JAK1: variants seen among roughly 807,000 people sequenced by gnomAD.
JAK1 encodes Janus kinase 1.
Under a neutral mutation model 136.6 loss-of-function variants are expected in JAK1, and 16 were observed. The observed-to-expected ratio is 0.12, with a 90% confidence interval of 0.08 to 0.18. JAK1 has a LOEUF of 0.18. Ranked by LOEUF, JAK1 falls within the 10% of genes least tolerant of loss-of-function variation. The pLI is 1.00. For missense variants in JAK1, 859 were observed against 1,450.1 expected (o/e 0.59, Z 6.62); for synonymous variants, 492 against 519.5 (o/e 0.95, Z 0.72).
intron 2 of JAK1, among the ~76,000 whole-genome samples, chr1:64,885,581 T>G (rs1319709969): frequency 2.6e-5 from 4 of 151,948 alleles, no homozygotes; most frequent in Admixed American, 2.6e-4. Flanking sequence ...GTGAAACCCC[T>G]GTCTCCACTA....
chr1:64,937,948 C>T (rs1032590256), intron 1 of JAK1, among the ~76,000 whole-genome samples: 2 of 151,852 alleles, frequency 1.3e-5, no homozygotes, highest in Admixed American at 6.6e-5. Flanking sequence ...GGCGCGATCT[C>T]GGCTCAGTGC....
intron 10 of JAK1, among the ~76,000 whole-genome samples, chr1:64,857,443 C>T (rs1041289240): frequency 4.6e-5 from 7 of 152,176 alleles, no homozygotes; most frequent in Non-Finnish European, 7.4e-5. Context: ...AAGAAGGGCC[C>T]TACAGGGGGA....
chr1:64,855,703 T>A lies in JAK1; in HGVS notation c.1459-5A>T, dbSNP rs1557637423. ...CTTCTGGGCACCCTGCACCTGCTAT[T>A]CGGGAAATGACCAGAAATTACATGT... On this transcript the variant is annotated splice_polypyrimidine_tract_variant and splice_region_variant and intron_variant, in intron 10 of 24. Coordinates refer to ENST00000342505, the MANE Select transcript of JAK1 (RefSeq NM_002227.4). 1 of 1,610,548 alleles carries A rather than the reference T, an allele frequency of 6.2e-7. No homozygotes were observed. The highest frequency in any genetic ancestry group is 8.5e-7 in the Non-Finnish European group (1 of 1,177,208).
At position 64,839,732 on chromosome 1, in the gene JAK1, C is replaced by T. The variant is rs2100961793; in HGVS notation, c.2713G>A (p.Val905Met). Reference sequence around the variant, plus strand: ...TCAGGCTTCAGAGATTTAACAGCCACCTGCTCCCCTGTATTGTCCCCTTCG... The same window carrying T: ...TCAGGCTTCAGAGATTTAACAGCCATCTGCTCCCCTGTATTGTCCCCTTCG... ...DPEGDNTGEQ[V>M]AVKSLKPESG... The change falls in exon 20 of 25, where the codon GTG (valine) becomes ATG (methionine). Residue 905 changes from valine to methionine, a missense_variant. By Grantham distance (21) the Val-to-Met change is conservative (BLOSUM62 1). Coordinates refer to ENST00000342505, the MANE Select transcript of JAK1 (RefSeq NM_002227.4). 1 of 1,614,250 alleles carries T rather than the reference C, an allele frequency of 6.2e-7. No homozygotes were observed. The highest frequency in any genetic ancestry group is 8.5e-7 in the Non-Finnish European group (1 of 1,180,042).
chr1:64,893,409 T>C (rs1227702175), intron 1 of JAK1, among the ~76,000 whole-genome samples: 2 of 142,282 alleles, frequency 1.4e-5, no homozygotes, highest in Non-Finnish European at 1.5e-5. Context: ...TGAAAAAGTA[T>C]TGGATGCCCT....
chr1:64,893,858 A>G (rs1308721170), intron 1 of JAK1, among the ~76,000 whole-genome samples: 2 of 152,218 alleles, frequency 1.3e-5, no homozygotes, highest in East Asian at 3.8e-4. Flanking sequence ...CAAAGCTTGA[A>G]GGTACCCATA....
chr1:64,854,301 A>T (rs566386461), intron 11 of JAK1, among the ~76,000 whole-genome samples: 2 of 151,880 alleles, frequency 1.3e-5, no homozygotes, highest in Non-Finnish European at 2.9e-5. Context: ...CCAGATAAAG[A>T]CTCCTCAGAG....
At chr1:64,896,762 GAGA>G (rs1321862295) in intron 1 of JAK1, among the ~76,000 whole-genome samples, 1 of 152,162 alleles carries the variant, frequency 6.6e-6, no homozygotes, top group African/African-American at 2.4e-5. Context: ...AGCACGTCTG[GAGA>G]AGGTCTAAGA....
intron 1 of JAK1, among the ~76,000 whole-genome samples, chr1:65,062,277 C>T (rs552538386): frequency 4.9e-4 from 74 of 152,302 alleles, no homozygotes; most frequent in African/African-American, 1.6e-3. Flanking sequence ...CTCTACATCA[C>T]ATTTCACCAC....
In JAK1 at chr1:64,844,736, A is replaced by G. The variant is rs2100993507; in HGVS notation, c.2251+18T>C. The stretch of plus-strand genomic sequence containing the variant: ...CCTGACTCGGGGTGGGGCCAGAGGG[A>G]AGAGAGGGGAGACACACCTTGCCTA... On this transcript the variant is annotated intron_variant, in intron 16 of 24. Transcript: ENST00000342505. This position sits in a 1 kb window ranked among gnomAD's most constrained non-coding sequence, Gnocchi z 5.7. 3.1e-6 allele frequency: 5 copies of G among 1,613,802 alleles called. No homozygotes were observed. The highest frequency in any genetic ancestry group is 4.2e-6 in the Non-Finnish European group (5 of 1,179,978).
At position 64,864,808 on chromosome 1, in the gene JAK1, G is replaced by A. The variant is rs1235263436; in HGVS notation, c.1155C>T (p.Asn385=). 2 of 1,612,774 alleles carry A rather than the reference G, an allele frequency of 1.2e-6. No homozygotes were observed. Among genetic ancestry groups the A allele is most frequent in the Non-Finnish European group, 1.7e-6 (2 of 1,179,598 alleles). Residue 385 remains asparagine, a synonymous_variant, in exon 8 of 25, where the codon AAC becomes AAT. Transcript: ENST00000342505. ...IVIKESVVSI[N]KQDNKKMELK... is the part of the protein sequence containing the mutation. Reference sequence around the variant, plus strand: ...TTACCATTTTCTTGTTGTCCTGCTTGTTAATGCTGACCACAGACTCCTTTA... The same window carrying A: ...TTACCATTTTCTTGTTGTCCTGCTTATTAATGCTGACCACAGACTCCTTTA...
rs75015140 is a variant in JAK1 at position 65,000,561 on chromosome 1, C to A, written c.-78+43919G>T. 1.9e-3 allele frequency among the ~76,000 whole-genome samples: 293 copies of A among 151,888 alleles called. 5 individuals carry two copies. The East Asian group carries it at 0.044, about 23-fold the overall frequency. ...CAGTCCTGTTTAAATAGCAATACTT[C>A]CGGACACAATTTTTAAGTTATTCAA... On this transcript the variant is annotated intron_variant, in intron 2 of 25. Coordinates refer to the JAK1 transcript ENST00000671954.
chr1:64,928,797 C>G (rs11208541), intron 1 of JAK1, among the ~76,000 whole-genome samples: 1 of 80,814 alleles, frequency 1.2e-5, no homozygotes, highest in Non-Finnish European at 2.6e-5. Context: ...AAAAAAAAAA[C>G]AAAAAAAAAA....
At chr1:64,922,806 T>C (rs1369141530) in intron 1 of JAK1, among the ~76,000 whole-genome samples, 1 of 151,904 alleles carries the variant, frequency 6.6e-6, no homozygotes, top group East Asian at 1.9e-4. Flanking sequence ...CCATAAGGAG[T>C]GGCTTTGACA....
At chr1:65,037,654 G>A (rs1647086901) in intron 2 of JAK1, among the ~76,000 whole-genome samples, 1 of 152,124 alleles carries the variant, frequency 6.6e-6, no homozygotes, top group Non-Finnish European at 1.5e-5. Flanking sequence ...CTTGAGCCCA[G>A]GAGCTGGAGA....
At chr1:64,861,898 G>C (rs915444480) in intron 8 of JAK1, among the ~76,000 whole-genome samples, 1 of 151,766 alleles carries the variant, frequency 6.6e-6, no homozygotes, top group Non-Finnish European at 1.5e-5. Context: ...AAGATGCTCT[G>C]AACAAGGGGC....
chr1:65,067,302 C>T (rs1380078238), intron 1 of JAK1, among the ~76,000 whole-genome samples: 1 of 150,246 alleles, frequency 6.7e-6, no homozygotes, highest in African/African-American at 2.4e-5. Flanking sequence ...GACCCCAGTG[C>T]GGATGCCTAG....
intron 2 of JAK1, among the ~76,000 whole-genome samples, chr1:65,036,946 AGAGGCTGAGTCAGGTGGATCACTT>A (rs1647080025): frequency 6.6e-6 from 1 of 152,196 alleles, no homozygotes; most frequent in Non-Finnish European, 1.5e-5. Flanking sequence ...CAACATTTTG[AGAGGCTGAGTCAGGTGGATCACTT>A]GAGACCAGCA....
intron 2 of JAK1, among the ~76,000 whole-genome samples, chr1:65,013,159 G>A (rs1030127859): frequency 6.7e-6 from 1 of 150,134 alleles, no homozygotes; most frequent in South Asian, 2.1e-4. Context: ...ACTTTGGGAG[G>A]CTGAGGTGGG....
Sources: allele counts gnomAD v4.1 joint callset (sites outside exome capture counted in the v4.1 genomes callset), GRCh38; gene constraint gnomAD v4.1.1; non-coding constraint Gnocchi (gnomAD v3.1); transcripts MANE v1.5; gene names NCBI Gene and HGNC (gene_info 2026-07-23, HGNC 2026-07-21).